Variants in PFKFB1 observed in about 807,000 individuals in gnomAD.
PFKFB1 encodes the protein 6-phosphofructo-2-kinase/fructose-2,6-biphosphatase 1, also known as 6-phosphofructo-2-kinase/fructose-2,6-bisphosphatase 1.
Under a neutral mutation model 46.4 loss-of-function variants are expected in PFKFB1, and 34 were observed. The ratio of observed to expected loss-of-function variants is 0.73; its 90% CI spans 0.56 to 0.98. The LOEUF is 0.98. Ranked by LOEUF, PFKFB1 falls within the 50% of genes least tolerant of loss-of-function variation. PFKFB1 has a pLI of 0.00. For missense variants in PFKFB1, 393 were observed against 376.3 expected (o/e 1.04, Z -0.37); for synonymous variants, 119 against 133.8 (o/e 0.89, Z 0.76).
chrX:54,969,029 GC>G (rs1279508530), intron 1 of PFKFB1, among the ~76,000 whole-genome samples: 4 of 111,546 alleles, frequency 3.6e-5, no homozygotes, highest in Non-Finnish European at 5.7e-5. Flanking sequence ...CCACAAGAAA[GC>G]ACGGTTTTTC....
intron 1 of PFKFB1, among the ~76,000 whole-genome samples, chrX:54,985,738 T>C (rs1467330313): frequency 1.8e-5 from 2 of 109,854 alleles, no homozygotes; most frequent in Admixed American, 2.0e-4. Flanking sequence ...AGATATAATA[T>C]ATATATTATA....
upstream of PFKFB1, chrX:54,998,266 A>G: frequency 2.0e-6 from 1 of 505,386 alleles, no homozygotes; most frequent in South Asian, 2.8e-5. Context: ...ACATATAGAT[A>G]TAATCTTTTC....
At position 54,949,066 on chromosome X, in the gene PFKFB1, G is replaced by C. The variant is rs746729216; in HGVS notation, c.993+9C>G. ...CCCACACACAGGAGATTCACCCCAT[G>C]CATCTCACCGCATCAATCTCATTCA... On this transcript the variant is annotated intron_variant, in intron 9 of 13. Coordinates refer to ENST00000375006, the MANE Select transcript of PFKFB1 (RefSeq NM_002625.4). The C allele has an allele frequency of 6.6e-6, 8 of 1,208,833 alleles. No homozygotes were observed. Among genetic ancestry groups the C allele is most frequent in the South Asian group, 3.5e-5 (2 of 56,511 alleles).
chrX:54,982,010 A>G (rs1935008179), intron 1 of PFKFB1, among the ~76,000 whole-genome samples: 1 of 111,756 alleles, frequency 8.9e-6, no homozygotes, highest in Non-Finnish European at 1.9e-5. Context: ...TTACACTTGT[A>G]AATTTATCTA....
At chrX:54,980,690 G>A (rs940942156) in intron 1 of PFKFB1, among the ~76,000 whole-genome samples, 1 of 91,872 alleles carries the variant, frequency 1.1e-5, no homozygotes, top group Non-Finnish European at 2.1e-5. Context: ...TACATTACCC[G>A]TGTAGGAAGA....
chrX:54,952,934 G>A (rs1934031049), intron 7 of PFKFB1, among the ~76,000 whole-genome samples: 1 of 110,717 alleles, frequency 9.0e-6, no homozygotes, highest in Non-Finnish European at 1.9e-5. Flanking sequence ...GGAACTTGTG[G>A]TCCTTGTCCC....
Position 54,959,808 on chromosome X carries a change from A to AG in PFKFB1, c.384+18_384+19insC. On this transcript the variant is annotated intron_variant, in intron 4 of 13. Coordinates refer to ENST00000375006, the MANE Select transcript of PFKFB1 (RefSeq NM_002625.4). The stretch of plus-strand genomic sequence containing the variant: ...CCTTCCCAGTAGTTACCCAAGGAAA[A>AG]AATAAAAAATTTCTTTACCGCAACA... 8.7e-7 allele frequency: 1 copy of AG among 1,153,936 alleles called. No homozygotes were observed.
At chrX:54,951,685 G>C (rs1930245529) in intron 8 of PFKFB1, among the ~76,000 whole-genome samples, 1 of 112,703 alleles carries the variant, frequency 8.9e-6, no homozygotes, top group South Asian at 3.7e-4. Context: ...GGGTGCCAGG[G>C]CCAAGCTCTT....
chrX:54,953,563 GGAA>G (rs1285643409), intron 7 of PFKFB1, among the ~76,000 whole-genome samples: 2 of 111,765 alleles, frequency 1.8e-5, no homozygotes, highest in Non-Finnish European at 3.8e-5. Flanking sequence ...CACCTTCTCG[GGAA>G]GAAGAACCCC....
At chrX:54,985,130 A>C (rs1475052973) in intron 1 of PFKFB1, among the ~76,000 whole-genome samples, 1 of 111,210 alleles carries the variant, frequency 9.0e-6, no homozygotes, top group African/African-American at 3.3e-5. Flanking sequence ...AAAAACTACA[A>C]GTTCACTTAA....
intron 1 of PFKFB1, among the ~76,000 whole-genome samples, chrX:54,976,486 A>G (rs1934842443): frequency 8.9e-6 from 1 of 111,856 alleles, no homozygotes; most frequent in Admixed American, 9.5e-5. Flanking sequence ...TTACATGACA[A>G]TATGAAATGC....
At chrX:54,972,819 C>T (rs1019607907) in intron 1 of PFKFB1, among the ~76,000 whole-genome samples, 24 of 111,259 alleles carry the variant, frequency 2.2e-4, no homozygotes, top group Non-Finnish European at 3.8e-4. Context: ...TGTGTCTCTG[C>T]TCGGCTTTGG....
chrX:54,966,870 G>C (rs1934492487), intron 1 of PFKFB1, among the ~76,000 whole-genome samples: 1 of 111,816 alleles, frequency 8.9e-6, no homozygotes, highest in African/African-American at 3.2e-5. Context: ...GGAAAGGGAA[G>C]AGTTTTGAAA....
chrX:54,955,331 G>C (rs754175510), intron 7 of PFKFB1, among the ~76,000 whole-genome samples: 1 of 111,302 alleles, frequency 9.0e-6, no homozygotes, highest in Non-Finnish European at 1.9e-5. Context: ...GAGTGGTGAT[G>C]ACCATTTGAA....
In PFKFB1 at chrX:54,963,532, A is replaced by G; in HGVS notation, c.98-150T>C. The G allele has an allele frequency of 8.9e-6, 5 of 559,268 alleles. No homozygotes were observed. The South Asian group carries it at 1.8e-4, about 21-fold the overall frequency. 46.1% of individuals were successfully genotyped at this position (559,268 alleles called of 1,213,427 possible). The stretch of plus-strand genomic sequence containing the variant: ...AGTGAAAATTAAGAACTTCTCTCAG[A>G]CTCATCAGAAAACTGAGGTTGCAGT... On this transcript the variant is annotated intron_variant, in intron 1 of 13. Coordinates refer to ENST00000375006, the MANE Select transcript of PFKFB1 (RefSeq NM_002625.4).
At chrX:54,950,750 C>A (rs900381206) in intron 8 of PFKFB1, among the ~76,000 whole-genome samples, 1 of 112,209 alleles carries the variant, frequency 8.9e-6, no homozygotes, top group African/African-American at 3.2e-5. Context: ...CACAGGTCAG[C>A]GTCTACCTCG....
chrX:54,998,240 G>A (rs1935384329), upstream of PFKFB1, among the ~76,000 whole-genome samples: 1 of 112,038 alleles, frequency 8.9e-6, no homozygotes, highest in Non-Finnish European at 1.9e-5. Context: ...AAAATATACA[G>A]ACAGATAAAT....
At chrX:54,968,782 T>A (rs1934551180) in intron 1 of PFKFB1, among the ~76,000 whole-genome samples, 1 of 111,151 alleles carries the variant, frequency 9.0e-6, no homozygotes, top group Admixed American at 9.6e-5. Flanking sequence ...CACTGGCAAA[T>A]TTTACCATTC....
chrX:54,959,688 G>A (rs372740327), intron 4 of PFKFB1, 139 bp downstream of exon 4: 1 of 461,695 alleles, frequency 2.2e-6, no homozygotes, highest in Non-Finnish European at 3.8e-6. Flanking sequence ...CTATCTCAAG[G>A]GGGGAGCATA....
Sources: allele counts gnomAD v4.1 joint callset (sites outside exome capture counted in the v4.1 genomes callset), GRCh38; gene constraint gnomAD v4.1.1; transcripts MANE v1.5; gene names NCBI Gene and HGNC (gene_info 2026-07-23, HGNC 2026-07-21).